Variants in DNM3 observed in about 807,000 individuals in gnomAD.
DNM3 encodes dynamin-3.
In DNM3, 47 loss-of-function variants were observed where a neutral mutation model predicts 101.6. The ratio of observed to expected loss-of-function variants is 0.46; its 90% confidence interval spans 0.37 to 0.59. The LOEUF is 0.59. Ranked by LOEUF, DNM3 falls within the 20% of genes least tolerant of loss-of-function variation. DNM3 has a pLI of 0.00. For synonymous variants in DNM3, 385 were observed against 387.9 expected (o/e 0.99, Z 0.09); for missense variants, 849 against 1,085.7 (o/e 0.78, Z 3.06).
chr1:172,092,968 C>T lies in DNM3; in HGVS notation c.1545+93C>T, dbSNP rs561471033. The T allele has an allele frequency of 2.1e-5, 26 of 1,239,374 alleles. No individual in the cohort carries two copies. The African/African-American group carries it at 2.2e-4, about 10-fold the overall frequency. The allele number at this position is 1,239,374 out of a possible 1,614,324, so 76.8% of individuals were successfully genotyped here. On this transcript the variant is annotated intron_variant, in intron 13 of 20. Coordinates refer to ENST00000627582, the MANE Select transcript of DNM3 (RefSeq NM_015569.5). ...CTATTTTTTTAATGCAAATTAATCA[C>T]GTGCAAATTTTGCTTGAAATGCAGC...
At chr1:172,124,054 C>T (rs1339578532) in intron 13 of DNM3, among the ~76,000 whole-genome samples, 3 of 152,190 alleles carry the variant, frequency 2.0e-5, no homozygotes, top group African/African-American at 7.2e-5. Context: ...ACGTTTGCTC[C>T]TTATTTCTTG....
chr1:172,083,632 G>A (rs1030286993), intron 12 of DNM3, among the ~76,000 whole-genome samples: 1 of 152,112 alleles, frequency 6.6e-6, no homozygotes, highest in South Asian at 2.1e-4. Context: ...CATTTAGAAA[G>A]GTTCAAATTT....
chr1:171,850,766 TG>T (rs1214271465), intron 1 of DNM3, among the ~76,000 whole-genome samples: 2 of 148,884 alleles, frequency 1.3e-5, no homozygotes, highest in African/African-American at 5.0e-5. Flanking sequence ...CTTAGGGCTT[TG>T]TTTTTTTTTT....
intron 14 of DNM3, among the ~76,000 whole-genome samples, chr1:172,204,873 G>T (rs937180131): frequency 6.6e-6 from 1 of 152,048 alleles, no homozygotes; most frequent in Admixed American, 6.6e-5. Flanking sequence ...ACTTCCCTGG[G>T]CAAAACATCT....
intron 8 of DNM3, 99 bp downstream of exon 8, chr1:172,042,243 A>T: frequency 1.7e-6 from 2 of 1,173,898 alleles, no homozygotes; most frequent in Non-Finnish European, 2.2e-6. Flanking sequence ...TAGAACTAAC[A>T]TAGTTCTTTG....
intron 12 of DNM3, among the ~76,000 whole-genome samples, chr1:172,088,759 A>T (rs1240193572): frequency 6.6e-6 from 1 of 152,198 alleles, no homozygotes; most frequent in Non-Finnish European, 1.5e-5. Context: ...TATCATCTGA[A>T]ATTATATTTC....
At chr1:172,032,929 A>T (rs1296953528) in intron 5 of DNM3, among the ~76,000 whole-genome samples, 176 bp from the exon 6 acceptor site, 3 of 152,164 alleles carry the variant, frequency 2.0e-5, no homozygotes, top group Non-Finnish European at 4.4e-5. Flanking sequence ...TCGTGGGCTC[A>T]ATCAGCAGCC....
chr1:171,878,669 ATT>A (rs1049305839), intron 1 of DNM3, among the ~76,000 whole-genome samples: 2 of 151,932 alleles, frequency 1.3e-5, no homozygotes, highest in African/African-American at 4.8e-5. Flanking sequence ...CCATAACTTT[ATT>A]TTCTTTTATA....
chr1:172,034,328 G>T (rs1364199810), intron 6 of DNM3, among the ~76,000 whole-genome samples: 1 of 152,034 alleles, frequency 6.6e-6, no homozygotes, highest in African/African-American at 2.4e-5. Context: ...GCATTGTTAT[G>T]CAAGAATGCT....
At chr1:172,417,814 C>A (rs1295477063) in intron 20 of DNM3, among the ~76,000 whole-genome samples, 3 of 152,176 alleles carry the variant, frequency 2.0e-5, no homozygotes, top group South Asian at 2.1e-4. Context: ...AAAAATTTAA[C>A]CTGCCATTGG....
intron 1 of DNM3, among the ~76,000 whole-genome samples, chr1:171,889,866 A>T (rs2037111469): frequency 6.6e-6 from 1 of 152,198 alleles, no homozygotes; most frequent in Admixed American, 6.5e-5. Context: ...TTGGGCTTTA[A>T]GTATCTTTAT....
At chr1:171,876,514 GC>G (rs2035798503) in intron 1 of DNM3, among the ~76,000 whole-genome samples, 1 of 151,988 alleles carries the variant, frequency 6.6e-6, no homozygotes, top group Non-Finnish European at 1.5e-5. Context: ...GACTCATGCA[GC>G]CCCCTGGACT....
At chr1:172,010,613 ATTTTTTT>A (rs749047166) in intron 4 of DNM3, among the ~76,000 whole-genome samples, 1 of 47,196 alleles carries the variant, frequency 2.1e-5, no homozygotes, top group Non-Finnish European at 4.1e-5. Context: ...TATTATGGCT[ATTTTTTT>A]TTTTTTTTTT....
chr1:172,213,631 C>G (rs1399223911), intron 14 of DNM3, among the ~76,000 whole-genome samples: 4 of 150,730 alleles, frequency 2.7e-5, no homozygotes, highest in Non-Finnish European at 5.9e-5. Flanking sequence ...GAGTTTGAAC[C>G]AGACTGGCCA....
chr1:172,341,426 A>C (rs2066681704), intron 17 of DNM3, among the ~76,000 whole-genome samples: 1 of 152,218 alleles, frequency 6.6e-6, no homozygotes, highest in African/African-American at 2.4e-5. Flanking sequence ...CTGAATAGCC[A>C]AGGCCATCCT....
chr1:171,989,103 G>A lies in DNM3; in HGVS notation c.544G>A (p.Ala182Thr). 1 of 1,613,130 alleles carries A rather than the reference G, an allele frequency of 6.2e-7. No individual in the cohort carries two copies. Among genetic ancestry groups the A allele is most frequent in the Non-Finnish European group, 8.5e-7 (1 of 1,179,420 alleles). ...LAVTPANTDL[A>T]NSDALKLAKE... ...TGTTACTCCAGCCAACACTGATCTT[G>A]CAAACTCAGATGCGCTGAAGCTAGC... The change falls in exon 4 of 21, where the codon GCA (alanine) becomes ACA (threonine). Residue 182 changes from alanine to threonine, a missense_variant. Around this residue, in one of 5 missense-constraint regions of DNM3, gnomAD observed 388 missense variants for 483.0 expected, o/e 0.80. Coordinates refer to ENST00000627582, the MANE Select transcript of DNM3 (RefSeq NM_015569.5).
intron 1 of DNM3, 65 bp downstream of exon 1, chr1:171,841,882 C>A: frequency 6.5e-7 from 1 of 1,541,100 alleles, no homozygotes; most frequent in Non-Finnish European, 8.7e-7. Flanking sequence ...GCCGTTGGAA[C>A]GTGGACGGGC....
At chr1:172,010,222 G>C (rs1402547766) in intron 4 of DNM3, among the ~76,000 whole-genome samples, 1 of 151,710 alleles carries the variant, frequency 6.6e-6, no homozygotes, top group South Asian at 2.1e-4. Context: ...TTTGCTTTAG[G>C]TTATCTTTCA....
chr1:172,200,970 G>T (rs1000866499), intron 14 of DNM3, among the ~76,000 whole-genome samples: 1 of 152,058 alleles, frequency 6.6e-6, no homozygotes, highest in East Asian at 1.9e-4. Flanking sequence ...AAGTTCTTGT[G>T]TTGGTTCTTT....
Sources: allele counts gnomAD v4.1 joint callset (sites outside exome capture counted in the v4.1 genomes callset), GRCh38; gene constraint gnomAD v4.1.1; regional missense constraint gnomAD v4.1.1; transcripts MANE v1.5; gene names NCBI Gene and HGNC (gene_info 2026-07-23, HGNC 2026-07-21).